PER3: variants seen among roughly 807,000 people sequenced by gnomAD.
PER3 encodes period circadian protein homolog 3.
Under a neutral mutation model 127.2 loss-of-function variants are expected in PER3, and 107 were observed. The ratio of observed to expected loss-of-function variants is 0.84; its 90% CI spans 0.72 to 0.99. PER3 has a LOEUF of 0.99. PER3 is among the 50% of genes least tolerant of loss of function. The pLI is 0.00. For synonymous variants in PER3, 618 were observed against 585.8 expected, an observed-to-expected ratio of 1.05 and a Z score of -0.79; for missense variants, 1,560 against 1,525.8, an observed-to-expected ratio of 1.02 and a Z score of -0.37.
intron 18 of PER3, among the ~76,000 whole-genome samples, chr1:7,829,139 GAT>G (rs2097316677): frequency 6.6e-6 from 1 of 152,268 alleles, no homozygotes; most frequent in Middle Eastern, 3.4e-3. Flanking sequence ...TTACCCAGGG[GAT>G]ATGTTTCAAA....
chr1:7,843,554 T>G lies in PER3; in HGVS notation c.*799T>G, dbSNP rs1423699421. 6.6e-6 allele frequency: 1 copy of G among 152,630 alleles called. No homozygotes were observed. The highest frequency in any genetic ancestry group is 2.1e-4 in the South Asian group (1 of 4,834). The allele number at this position is 152,630 out of a possible 1,614,324, so 9.5% of individuals were successfully genotyped here. On this transcript the variant is annotated 3_prime_UTR_variant, in exon 22 of 22. Transcript: ENST00000377532. ...TTTTTAAAATAATGATTGTAAAATGTTTTACAAGTAATGTAAAAGCTAGTA... is the reference window on the plus strand; with the variant it reads ...TTTTTAAAATAATGATTGTAAAATGGTTTACAAGTAATGTAAAAGCTAGTA...
In PER3 at chr1:7,788,046, A is replaced by G; in HGVS notation, c.392A>G (p.Asp131Gly). ...ATTTATTTTAAATGTTTTTCATAGG[A>G]TACCTTTGTGGCAGTATTTTCATTT... is the stretch of plus-strand genomic sequence containing the variant. ...IASEHTSKNT[D>G]TFVAVFSFLS... is the part of the protein sequence containing the mutation. The change falls in exon 5 of 22, where the codon GAT becomes GGT. Residue 131 changes from aspartate to glycine, a missense_variant and splice_region_variant. Physicochemically the swap from Asp to Gly is moderately conservative, Grantham distance 94. Transcript: ENST00000377532. 1 of 1,603,130 alleles carries G rather than the reference A, an allele frequency of 6.2e-7. No homozygotes were observed. Among genetic ancestry groups the G allele is most frequent in the East Asian group, 2.2e-5 (1 of 44,812 alleles).
At chr1:7,801,279 C>T in intron 8 of PER3, 88 bp downstream of exon 8, 4 of 768,080 alleles carry the variant, frequency 5.2e-6, no homozygotes, top group African/African-American at 1.8e-5. Context: ...CATGTTTATA[C>T]ATTATGTAAT....
At chr1:7,823,586 G>T (rs986569999) in intron 16 of PER3, among the ~76,000 whole-genome samples, 1 of 151,510 alleles carries the variant, frequency 6.6e-6, no homozygotes. Flanking sequence ...AGGTTGCAGT[G>T]AGCCAAGATT....
At chr1:7,809,752 A>G (rs1476140521) in intron 11 of PER3, 141 bp from the exon 12 acceptor site, 1 of 743,716 alleles carries the variant, frequency 1.3e-6, no homozygotes, top group South Asian at 2.0e-5. Context: ...CAGCATCAGC[A>G]TTAAAAGTAC....
At chr1:7,820,271 A>G (rs2097270123) in intron 15 of PER3, 32 bp downstream of exon 15, 8 of 1,599,000 alleles carry the variant, frequency 5.0e-6, no homozygotes, top group Non-Finnish European at 6.8e-6. Context: ...GTTAAATTCA[A>G]AGAACTGTAA....
chr1:7,826,794 C>A lies in PER3; in HGVS notation c.2188+84C>A. 1.3e-6 allele frequency: 1 copy of A among 796,826 alleles called. No homozygotes were observed. The allele number at this position is 796,826 out of a possible 1,614,324, so 49.4% of individuals were successfully genotyped here. ...TAAGGACTAGGAGATAAGGAGTGAA[C>A]AATAGGAGTTTTACTTGTAAGAAAC... On this transcript the variant is annotated intron_variant, in intron 17 of 21. Coordinates refer to ENST00000377532, the MANE Select transcript of PER3 (RefSeq NM_001377275.1). This position sits in a 1 kb window ranked among gnomAD's most constrained non-coding sequence, Gnocchi z 4.2.
At chr1:7,835,669 G>C (rs1315851055) in intron 19 of PER3, 93 bp from the exon 20 acceptor site, 1 of 835,348 alleles carries the variant, frequency 1.2e-6, no homozygotes. Flanking sequence ...TGAGGAGGAG[G>C]ACTGTCCGAG....
intron 7 of PER3, among the ~76,000 whole-genome samples, chr1:7,800,073 T>C (rs571896425): frequency 6.6e-6 from 1 of 152,090 alleles, no homozygotes; most frequent in East Asian, 1.9e-4. Context: ...CCATCAGACC[T>C]GTTTTTGTGT....
Position 7,829,840 on chromosome 1 carries a change from G to A in PER3, c.2893G>A (p.Val965Ile), listed in dbSNP as rs1384907919. The change falls in exon 19 of 22, where the codon GTT (valine) becomes ATT (isoleucine). Residue 965 changes from valine (V) to isoleucine (I), a missense_variant. Physicochemically the swap from Val to Ile is conservative, Grantham distance 29 (BLOSUM62 3). Transcript: ENST00000377532. ...NTCPQTEYQC[V>I]TGNNGSESSP... ...ATGTGCCCTTACTTTCTAGCAGTGT[G>A]TTACAGGCAACAATGGCAGTGAGAG... is the stretch of plus-strand genomic sequence containing the variant. 3 of 1,612,844 alleles carry A rather than the reference G, an allele frequency of 1.9e-6. No homozygotes were observed. The highest frequency in any genetic ancestry group is 1.3e-5 in the African/African-American group (1 of 74,912).
At chr1:7,798,473 A>G in intron 6 of PER3, 52 bp from the exon 7 acceptor site, 2 of 1,433,218 alleles carry the variant, frequency 1.4e-6, no homozygotes, top group Non-Finnish European at 1.9e-6. Context: ...TTGTTTCGCC[A>G]TGGGCCAGTA....
intron 4 of PER3, chr1:7,787,719 C>T (rs1290883834): frequency 8.2e-6 from 3 of 364,430 alleles, no homozygotes; most frequent in East Asian, 6.7e-5. Context: ...ATAGAATCTG[C>T]GTTGATGACG....
At chr1:7,809,837 G>A (rs1310540129) in intron 11 of PER3, 56 bp from the exon 12 acceptor site, 8 of 1,547,182 alleles carry the variant, frequency 5.2e-6, no homozygotes, top group South Asian at 1.1e-5. Flanking sequence ...TGAGCTCTGC[G>A]GTGGCTGCAT....
In PER3 at chr1:7,819,356, G is replaced by A; in HGVS notation, c.1594G>A (p.Asp532Asn). 2 of 1,613,974 alleles carry A rather than the reference G, an allele frequency of 1.2e-6. No homozygotes were observed. The highest frequency in any genetic ancestry group is 1.7e-6 in the Non-Finnish European group (2 of 1,179,864). The stretch of plus-strand genomic sequence containing the variant: ...TAGTGTGTACACTGAGCCCTGTGAG[G>A]ATTTGAGGAACGATGAGCACAGCCC... ...NNSVYTEPCE[D>N]LRNDEHSPSY... The change falls in exon 14 of 22, where the codon GAT becomes AAT. Residue 532 changes from aspartate to asparagine, a missense_variant. Asp to Asn is a conservative substitution (Grantham distance 23). This residue lies in a region of PER3 where 1,332 missense variants were observed against 1,223.6 expected (regional missense o/e 1.09). Transcript: ENST00000377532.
intron 18 of PER3, among the ~76,000 whole-genome samples, chr1:7,828,441 T>C (rs1235380389): frequency 1.3e-5 from 2 of 152,252 alleles, no homozygotes; most frequent in Admixed American, 1.3e-4. Flanking sequence ...CTTTGGAATC[T>C]GACGTTCCTA....
chr1:7,800,001 C>T (rs561142404), intron 7 of PER3, among the ~76,000 whole-genome samples: 57 of 151,986 alleles, frequency 3.8e-4, no homozygotes, highest in Non-Finnish European at 7.4e-4. Flanking sequence ...TGTTCTCGAA[C>T]TCCTGGGCTC....
At chr1:7,793,788 T>C (rs1048758946) in intron 5 of PER3, among the ~76,000 whole-genome samples, 169 bp from the exon 6 acceptor site, 1 of 152,192 alleles carries the variant, frequency 6.6e-6, no homozygotes, top group Non-Finnish European at 1.5e-5. Flanking sequence ...TATTTCCCAA[T>C]TCTAGTATTG....
At chr1:7,840,916 G>C (rs1180524576) in intron 21 of PER3, among the ~76,000 whole-genome samples, 6 of 152,054 alleles carry the variant, frequency 3.9e-5, no homozygotes, top group African/African-American at 1.4e-4. Context: ...CCAGTTCTTT[G>C]ATCATCTTTC....
Position 7,842,771 on chromosome 1 carries a change from A to C in PER3, c.*16A>C, listed in dbSNP as rs1200358815. ...CAGCTGTTGAGTGACTGTGAGGATGAACCTTCATACCCTTTCCAAGACGTG... is the reference window on the plus strand; with the variant it reads ...CAGCTGTTGAGTGACTGTGAGGATGCACCTTCATACCCTTTCCAAGACGTG... On this transcript the variant is annotated 3_prime_UTR_variant, in exon 22 of 22. Transcript: ENST00000377532. 5 of 1,609,848 alleles carry C rather than the reference A, an allele frequency of 3.1e-6. No homozygotes were observed. The South Asian group carries it at 5.5e-5, about 18-fold the overall frequency.
Sources: gnomAD v4.1 joint callset for allele counts (sites outside exome capture counted in the v4.1 genomes callset) on GRCh38, gnomAD v4.1.1 for gene constraint, gnomAD v4.1.1 regional missense constraint, Gnocchi (gnomAD v3.1) non-coding constraint, MANE v1.5 for transcripts, NCBI Gene and HGNC (gene_info 2026-07-23, HGNC 2026-07-21) for gene names.